Variants in RAB27B observed in about 807,000 individuals in gnomAD.
RAB27B encodes the protein ras-related protein Rab-27B.
RAB27B carries 15 observed loss-of-function variants against 24.6 expected under a neutral mutation model. The observed-to-expected ratio is 0.61, with a 90% CI of 0.41 to 0.94. RAB27B has a LOEUF of 0.94. Among genes scored for constraint, RAB27B ranks in the 40% least tolerant of loss-of-function variants. The probability of loss-of-function intolerance (pLI) is 0.00; values close to 1 mark genes in which losing one functional copy is unlikely to be tolerated. For missense variants in RAB27B, 261 were observed against 266.8 expected (o/e 0.98, Z 0.15); for synonymous variants, 105 against 92.5 (o/e 1.14, Z -0.78).
At chr18:54,779,966 T>C (rs56089066) in intron 2 of RAB27B, among the ~76,000 whole-genome samples, 495 of 80,394 alleles carry the variant, frequency 6.2e-3, no homozygotes, top group South Asian at 0.014. Flanking sequence ...GACGGCTTCC[T>C]CCTCACCGTG....
intron 2 of RAB27B, among the ~76,000 whole-genome samples, chr18:54,782,812 A>G (rs879380522): frequency 6.6e-6 from 1 of 152,202 alleles, no homozygotes; most frequent in Non-Finnish European, 1.5e-5. Flanking sequence ...CTGAAAATAT[A>G]CCATGCAGTA....
chr18:54,749,917 T>G (rs1265699353), intron 2 of RAB27B, among the ~76,000 whole-genome samples: 2 of 152,216 alleles, frequency 1.3e-5, no homozygotes, highest in Non-Finnish European at 2.9e-5. Flanking sequence ...CTCTTTGTTT[T>G]GGACTTTTAA....
intron 2 of RAB27B, among the ~76,000 whole-genome samples, chr18:54,794,582 T>C (rs1403035912): frequency 6.6e-6 from 1 of 152,212 alleles, no homozygotes; most frequent in Non-Finnish European, 1.5e-5. Context: ...TACTGATGTG[T>C]GTATTTGATC....
At chr18:54,868,913 TA>T (rs1912357429) in intron 1 of RAB27B, among the ~76,000 whole-genome samples, 2 of 152,322 alleles carry the variant, frequency 1.3e-5, no homozygotes, top group South Asian at 4.1e-4. Context: ...GTTTCTCAAT[TA>T]CTTATAGCCC....
chr18:54,870,776 G>T (rs534571305), intron 1 of RAB27B, among the ~76,000 whole-genome samples: 5 of 152,134 alleles, frequency 3.3e-5, no homozygotes, highest in African/African-American at 7.2e-5. Context: ...CTGTGGTAAG[G>T]TTGAGAGATC....
intron 2 of RAB27B, among the ~76,000 whole-genome samples, chr18:54,755,544 C>T (rs1907977823): frequency 6.6e-6 from 1 of 152,104 alleles, no homozygotes; most frequent in South Asian, 2.1e-4. Context: ...AATTAAAGGC[C>T]ATGATAAATT....
chr18:54,825,497 T>A (rs914075273), upstream of RAB27B, among the ~76,000 whole-genome samples: 15 of 152,172 alleles, frequency 9.9e-5, no homozygotes, highest in Non-Finnish European at 2.9e-5. Flanking sequence ...TTTTTGAAAA[T>A]TTTCTGCAGC....
intron 1 of RAB27B, among the ~76,000 whole-genome samples, chr18:54,869,696 A>T (rs142925918): frequency 6.6e-6 from 1 of 152,366 alleles, no homozygotes; most frequent in Admixed American, 6.5e-5. Flanking sequence ...TATTAATAAA[A>T]ATAAACTCTT....
chr18:54,810,398 T>A (rs2145147933), intron 2 of RAB27B, among the ~76,000 whole-genome samples: 1 of 152,322 alleles, frequency 6.6e-6, no homozygotes, highest in East Asian at 1.9e-4. Context: ...ATTGTTATTA[T>A]CATCTAATTT....
At chr18:54,820,104 G>A (rs775656698) in intron 2 of RAB27B, among the ~76,000 whole-genome samples, 2 of 152,128 alleles carry the variant, frequency 1.3e-5, no homozygotes, top group Admixed American at 6.5e-5. Context: ...CTTTATAGCA[G>A]CACGATTTAT....
At chr18:54,878,690 A>G (rs1453978630) in intron 2 of RAB27B, among the ~76,000 whole-genome samples, 1 of 152,108 alleles carries the variant, frequency 6.6e-6, no homozygotes, top group Non-Finnish European at 1.5e-5. Context: ...ACTAAACTAT[A>G]CTTAAGGAAA....
intron 1 of RAB27B, among the ~76,000 whole-genome samples, chr18:54,865,237 TTGTGTGTGTGTGTG>T (rs3060044): frequency 4.2e-5 from 6 of 143,486 alleles, no homozygotes; most frequent in African/African-American, 5.2e-5. Flanking sequence ...CAATGGCCTT[TTGTGTGTGTGTGTG>T]TGTGTGTGTG....
intron 1 of RAB27B, among the ~76,000 whole-genome samples, chr18:54,831,439 CT>C (rs959012293): frequency 2.0e-5 from 3 of 152,080 alleles, no homozygotes; most frequent in Non-Finnish European, 4.4e-5. Context: ...ACATGTTGGC[CT>C]TTGTTTTTTA....
At chr18:54,875,680 A>G (rs1223116539) in intron 1 of RAB27B, among the ~76,000 whole-genome samples, 1 of 152,168 alleles carries the variant, frequency 6.6e-6, no homozygotes. Flanking sequence ...CCTACCTCAA[A>G]AAGCATTAAT....
At chr18:54,831,443 G>GT (rs1710935759) in intron 1 of RAB27B, among the ~76,000 whole-genome samples, 2 of 152,238 alleles carry the variant, frequency 1.3e-5, no homozygotes, top group South Asian at 2.1e-4. Flanking sequence ...GTTGGCCTTT[G>GT]TTTTTTATTC....
intron 2 of RAB27B, among the ~76,000 whole-genome samples, chr18:54,760,404 T>C (rs996880409): frequency 6.6e-6 from 1 of 152,196 alleles, no homozygotes; most frequent in Non-Finnish European, 1.5e-5. Context: ...GGTGGGGATG[T>C]AGCTTATAGA....
chr18:54,752,223 C>T (rs1024592659), intron 2 of RAB27B, among the ~76,000 whole-genome samples: 2 of 152,096 alleles, frequency 1.3e-5, no homozygotes, highest in African/African-American at 4.8e-5. Context: ...TATATATGGG[C>T]ACTAACTGTC....
Position 54,894,953 on chromosome 18 carries a change from CA to C in RAB27B, c.*5544del, listed in dbSNP as rs1335881645. ...AATGTTTAATACATCTCATTATTGA[CA>C]AAATATGTCATCTTGTATTTATTTC... On this transcript the variant is annotated 3_prime_UTR_variant, in exon 6 of 6. Coordinates refer to ENST00000262094, the MANE Select transcript of RAB27B (RefSeq NM_004163.4). 2 of 151,966 alleles carry C rather than the reference CA, an allele frequency of 1.3e-5. No individual in the cohort carries two copies. The highest frequency in any genetic ancestry group is 4.2e-4 in the South Asian group (2 of 4,814). 9.4% of individuals were successfully genotyped at this position (151,966 alleles called of 1,614,324 possible).
At chr18:54,855,617 A>G (rs931457621) in intron 1 of RAB27B, among the ~76,000 whole-genome samples, 3 of 152,104 alleles carry the variant, frequency 2.0e-5, no homozygotes, top group African/African-American at 7.2e-5. Flanking sequence ...TCCCCAACAC[A>G]TATTTTTGCT....
Sources: gnomAD v4.1 joint callset for allele counts (sites outside exome capture counted in the v4.1 genomes callset) on GRCh38, gnomAD v4.1.1 for gene constraint, MANE v1.5 for transcripts, NCBI Gene and HGNC (gene_info 2026-07-23, HGNC 2026-07-21) for gene names.